Variants in ACVR1B observed in about 807,000 individuals in gnomAD.
ACVR1B encodes activin receptor type-1B.
Under a neutral mutation model 55.6 loss-of-function variants are expected in ACVR1B, and 15 were observed. The observed-to-expected ratio is 0.27, with a 90% CI of 0.18 to 0.42. The LOEUF (loss-of-function observed/expected upper bound fraction) is 0.42. ACVR1B is among the 10% of genes least tolerant of loss of function. ACVR1B has a pLI of 1.00. For synonymous variants in ACVR1B, 247 were observed against 254.6 expected (o/e 0.97, Z 0.28); for missense variants, 359 against 670.1 (o/e 0.54, Z 5.13).
intron 1 of ACVR1B, among the ~76,000 whole-genome samples, chr12:51,959,259 GC>G (rs1200211036): frequency 6.6e-6 from 1 of 152,186 alleles, no homozygotes; most frequent in Non-Finnish European, 1.5e-5. Flanking sequence ...GATTGAACTA[GC>G]CCTTTCAAAG....
intron 3 of ACVR1B, 76 bp downstream of exon 3, chr12:51,976,651 A>G: frequency 1.3e-6 from 2 of 1,565,094 alleles, no homozygotes; most frequent in South Asian, 1.1e-5. Context: ...GCTTGTAGAG[A>G]AGGCTGGAGG....
chr12:51,982,709 C>A, intron 4 of ACVR1B: 1 of 1,532,610 alleles, frequency 6.5e-7, no homozygotes. Context: ...CCTCACATTG[C>A]CATGGGAAGT....
At chr12:51,985,455 G>T in intron 6 of ACVR1B, 107 bp downstream of exon 6, 5 of 1,323,208 alleles carry the variant, frequency 3.8e-6, no homozygotes, top group Non-Finnish European at 5.1e-6. Flanking sequence ...AAGGAGGCGA[G>T]GACCTTGCTC....
chr12:51,961,686 A>G (rs1941530741), intron 1 of ACVR1B, among the ~76,000 whole-genome samples: 1 of 152,212 alleles, frequency 6.6e-6, no homozygotes, highest in Admixed American at 6.5e-5. Flanking sequence ...TACTATAATA[A>G]ATAGGTCAGG....
rs377287640 is a variant in ACVR1B, at chr12:51,952,376, C to T, written c.91+542C>T. 7.9e-5 allele frequency among the ~76,000 whole-genome samples: 12 copies of T among 152,100 alleles called. No individual in the cohort carries two copies. The South Asian group carries it at 1.5e-3, about 18-fold the overall frequency. The stretch of plus-strand genomic sequence containing the variant: ...CCTTTCCTTCAGGTCCTGCACTTGG[C>T]GTGTTTCTTCCCCTCCCTCCACTGC... On this transcript the variant is annotated intron_variant, in intron 1 of 8. Coordinates refer to ENST00000257963, the MANE Select transcript of ACVR1B (RefSeq NM_004302.5).
Position 51,995,554 on chromosome 12 carries a change from T to C in ACVR1B, c.*1444T>C, listed in dbSNP as rs946198694. Reference sequence around the variant, plus strand: ...AAGCCATAACTTTTAACTGGAGTGGTTTGATTTCTTTTTTTAATTTTATTG... The same window carrying C: ...AAGCCATAACTTTTAACTGGAGTGGCTTGATTTCTTTTTTTAATTTTATTG... On this transcript the variant is annotated 3_prime_UTR_variant, in exon 9 of 9. Coordinates refer to ENST00000257963, the MANE Select transcript of ACVR1B (RefSeq NM_004302.5). 6.6e-6 allele frequency: 1 copy of C among 152,550 alleles called. No individual in the cohort carries two copies. Among genetic ancestry groups the C allele is most frequent in the African/African-American group, 2.4e-5 (1 of 41,408 alleles). The allele number at this position is 152,550 out of a possible 1,614,324, so 9.4% of individuals were successfully genotyped here.
chr12:51,952,098 G>A (rs1189248242), intron 1 of ACVR1B, among the ~76,000 whole-genome samples: 1 of 152,142 alleles, frequency 6.6e-6, no homozygotes, highest in African/African-American at 2.4e-5. Flanking sequence ...AGTTCTCAGG[G>A]GTCGCGCTCC....
At chr12:51,963,509 A>T (rs1187604159) in intron 1 of ACVR1B, among the ~76,000 whole-genome samples, 1 of 152,240 alleles carries the variant, frequency 6.6e-6, no homozygotes, top group Admixed American at 6.5e-5. Context: ...AAGTGCTGGG[A>T]TTATAGGCAT....
intron 1 of ACVR1B, chr12:51,953,378 C>T: frequency 1.0e-6 from 1 of 985,440 alleles, no homozygotes; most frequent in Non-Finnish European, 1.2e-6. Context: ...TGTTCACGGG[C>T]TAATGCTTCT....
intron 2 of ACVR1B, 54 bp from the exon 3 acceptor site, chr12:51,976,273 C>G (rs878912437): frequency 6.2e-7 from 1 of 1,606,784 alleles, no homozygotes; most frequent in Non-Finnish European, 8.5e-7. Flanking sequence ...TGTTTTTACT[C>G]TTTCCCTTGT....
At chr12:51,975,826 C>T (rs1309432799) in intron 2 of ACVR1B, among the ~76,000 whole-genome samples, 1 of 152,082 alleles carries the variant, frequency 6.6e-6, no homozygotes, top group African/African-American at 2.4e-5. Flanking sequence ...AGAGATGGCC[C>T]CAGAGCCGAG....
intron 8 of ACVR1B, among the ~76,000 whole-genome samples, chr12:51,993,772 A>C (rs1263422783): frequency 4.6e-5 from 2 of 43,202 alleles, no homozygotes; most frequent in African/African-American, 2.7e-4. Flanking sequence ...TTCTAAAAAA[A>C]AAAAAAAAAA....
intron 6 of ACVR1B, among the ~76,000 whole-genome samples, chr12:51,986,036 G>T (rs550320146): frequency 6.6e-6 from 1 of 152,210 alleles, no homozygotes; most frequent in South Asian, 2.1e-4. Context: ...TAAGGGTGCC[G>T]CTGACCACCT....
At chr12:51,961,242 T>C (rs764081777) in intron 1 of ACVR1B, among the ~76,000 whole-genome samples, 5 of 152,358 alleles carry the variant, frequency 3.3e-5, no homozygotes, top group African/African-American at 4.8e-5. Flanking sequence ...TTATTTGTTA[T>C]ATGGCTTCGG....
intron 1 of ACVR1B, among the ~76,000 whole-genome samples, chr12:51,974,016 C>G (rs1213915178): frequency 1.3e-5 from 2 of 152,184 alleles, no homozygotes; most frequent in African/African-American, 4.8e-5. Flanking sequence ...TGTGTACAGC[C>G]TAAATTGGTG....
intron 7 of ACVR1B, among the ~76,000 whole-genome samples, chr12:51,989,443 G>C (rs4761841): frequency 0.79 from 119,350 of 151,180 alleles, 47,930 homozygotes; most frequent in African/African-American, 0.9. Context: ...CACCACCACT[G>C]CGGGCTGATT....
At chr12:51,960,945 CCTTGG>C (rs1941510091) in intron 1 of ACVR1B, among the ~76,000 whole-genome samples, 1 of 152,210 alleles carries the variant, frequency 6.6e-6, no homozygotes, top group Non-Finnish European at 1.5e-5. Context: ...TTGGCTGGAA[CCTTGG>C]CATTGTTCGA....
At chr12:51,962,942 A>G (rs1210412614) in intron 1 of ACVR1B, among the ~76,000 whole-genome samples, 1 of 152,200 alleles carries the variant, frequency 6.6e-6, no homozygotes, top group Non-Finnish European at 1.5e-5. Flanking sequence ...GAAACTGTTG[A>G]AAAGGACACT....
rs1361074077 is a variant in ACVR1B, at chr12:51,986,924, C to G, written c.1243C>G (p.Arg415Gly). ...ALGLVYWEIARRCNSGGVHEE... is the reference protein window; with the variant it reads ...ALGLVYWEIAGRCNSGGVHEE... ...CGGGCTTGTATATTGGGAGATTGCT[C>G]GAAGATGCAATTCTGGAGGTACCTT... is the stretch of plus-strand genomic sequence containing the variant. The change falls in exon 7 of 9, where the codon CGA (arginine) becomes GGA (glycine). Residue 415 changes from arginine to glycine, a missense_variant. Arg to Gly is a moderately radical substitution (Grantham distance 125). Coordinates refer to ENST00000257963, the MANE Select transcript of ACVR1B (RefSeq NM_004302.5). The G allele has an allele frequency of 7.4e-6, 12 of 1,614,038 alleles. No individual in the cohort carries two copies. Among genetic ancestry groups the G allele is most frequent in the African/African-American group, 6.7e-5 (5 of 74,900 alleles).
Sources: allele counts gnomAD v4.1 joint callset (sites outside exome capture counted in the v4.1 genomes callset), GRCh38; gene constraint gnomAD v4.1.1; transcripts MANE v1.5; gene names NCBI Gene and HGNC (gene_info 2026-07-23, HGNC 2026-07-21).